Variants in SHISA9 observed in about 807,000 individuals in gnomAD.
SHISA9 encodes the protein shisa family member 9.
Under a neutral mutation model 38.0 loss-of-function variants are expected in SHISA9, and 13 were observed. The ratio of observed to expected loss-of-function variants is 0.34; its 90% CI spans 0.22 to 0.54. The LOEUF (loss-of-function observed/expected upper bound fraction) is 0.54. SHISA9 is among the 20% of genes least tolerant of loss of function. The pLI is 0.91. For missense variants in SHISA9, 538 were observed against 575.8 expected (o/e 0.93, Z 0.67); for synonymous variants, 275 against 242.0 (o/e 1.14, Z -1.27).
chr16:13,355,891 C>T, the SHISA9 span, among the ~76,000 whole-genome samples: 2 of 152,168 alleles, frequency 1.3e-5, no homozygotes, highest in Non-Finnish European at 2.9e-5. Flanking sequence ...GGCCAGAGTT[C>T]CAGGGGCTCC....
the SHISA9 span, among the ~76,000 whole-genome samples, chr16:13,469,083 A>T: frequency 6.6e-6 from 1 of 151,336 alleles, no homozygotes; most frequent in Non-Finnish European, 1.5e-5. Context: ...CTCTACTAAA[A>T]ATATAAAAAT....
chr16:12,937,092 T>A (rs2071544525), intron 2 of SHISA9, among the ~76,000 whole-genome samples: 1 of 152,194 alleles, frequency 6.6e-6, no homozygotes, highest in Non-Finnish European at 1.5e-5. Context: ...CCCACCTATG[T>A]GCATATTTTT....
At chr16:13,357,835 TTGAGCCAGGA>T in the SHISA9 span, among the ~76,000 whole-genome samples, 1 of 151,634 alleles carries the variant, frequency 6.6e-6, no homozygotes, top group African/African-American at 2.4e-5. Flanking sequence ...GGGGTGCTTT[TTGAGCCAGGA>T]TGAGCCAGGA....
intron 2 of SHISA9, among the ~76,000 whole-genome samples, chr16:13,163,510 C>T (rs1350693444): frequency 6.6e-6 from 1 of 151,958 alleles, no homozygotes; most frequent in South Asian, 2.1e-4. Flanking sequence ...TATAATGTGT[C>T]CTTTTTTCTC....
the SHISA9 span, among the ~76,000 whole-genome samples, chr16:13,285,741 C>CT: frequency 6.6e-6 from 1 of 152,042 alleles, no homozygotes; most frequent in Non-Finnish European, 1.5e-5. Context: ...ACTGCTTTAT[C>CT]TTTTAATTAC....
chr16:13,445,969 A>C, the SHISA9 span, among the ~76,000 whole-genome samples: 1 of 151,950 alleles, frequency 6.6e-6, no homozygotes, highest in South Asian at 2.1e-4. Context: ...TTTGAGACAG[A>C]GTCTCACTCT....
At chr16:13,546,433 G>T in the SHISA9 span, among the ~76,000 whole-genome samples, 4 of 152,172 alleles carry the variant, frequency 2.6e-5, no homozygotes, top group East Asian at 3.8e-4. Flanking sequence ...GCTTGTGTTT[G>T]TCTGGGAAAG....
At chr16:13,012,471 C>G (rs1411582209) in intron 2 of SHISA9, among the ~76,000 whole-genome samples, 1 of 152,084 alleles carries the variant, frequency 6.6e-6, no homozygotes, top group African/African-American at 2.4e-5. Context: ...CCCAATGTGG[C>G]CATAGCACAG....
At chr16:13,158,892 TAA>T (rs11373395) in intron 2 of SHISA9, among the ~76,000 whole-genome samples, 7 of 133,822 alleles carry the variant, frequency 5.2e-5, no homozygotes, top group Admixed American at 7.5e-5. Context: ...CCATCTCTAC[TAA>T]AAAAAAAAAA....
At chr16:12,911,601 G>A (rs1403338866) in intron 1 of SHISA9, 1 of 157,690 alleles carries the variant, frequency 6.3e-6, no homozygotes, top group Non-Finnish European at 1.4e-5. Context: ...ATAATGTACA[G>A]TGACGGGTGA....
At chr16:13,143,785 CT>C (rs2050423299) in intron 2 of SHISA9, among the ~76,000 whole-genome samples, 1 of 152,216 alleles carries the variant, frequency 6.6e-6, no homozygotes, top group South Asian at 2.1e-4. Flanking sequence ...CTAGCTTGTC[CT>C]GAGTGACTCA....
At chr16:13,067,813 G>A (rs577006602) in intron 2 of SHISA9, among the ~76,000 whole-genome samples, 5 of 152,170 alleles carry the variant, frequency 3.3e-5, no homozygotes, top group East Asian at 1.9e-4. Flanking sequence ...AGGCCTTTGC[G>A]CCATTTAGAT....
intron 2 of SHISA9, among the ~76,000 whole-genome samples, chr16:13,124,982 G>A (rs1157227404): frequency 6.6e-6 from 1 of 152,126 alleles, no homozygotes. Flanking sequence ...ATGGATTAAA[G>A]ACTTAGATCT....
At chr16:13,185,502 G>A (rs1033403879) in intron 2 of SHISA9, among the ~76,000 whole-genome samples, 2 of 152,128 alleles carry the variant, frequency 1.3e-5, no homozygotes, top group Non-Finnish European at 2.9e-5. Flanking sequence ...CCAAGCCTGG[G>A]CCATTTTTTA....
At chr16:13,015,279 T>C (rs1315200513) in intron 2 of SHISA9, among the ~76,000 whole-genome samples, 1 of 152,254 alleles carries the variant, frequency 6.6e-6, no homozygotes, top group Non-Finnish European at 1.5e-5. Context: ...CCACAAAGCC[T>C]AGAATATTAA....
At chr16:13,472,377 A>T in the SHISA9 span, among the ~76,000 whole-genome samples, 1,519 of 55,964 alleles carry the variant, frequency 0.027, 89 homozygotes, top group African/African-American at 0.095. Flanking sequence ...GCTCTGCTAA[A>T]TTTTTTTTTT....
At chr16:13,232,380 A>G (rs1353925113) in intron 4 of SHISA9, among the ~76,000 whole-genome samples, 1 of 152,260 alleles carries the variant, frequency 6.6e-6, no homozygotes, top group African/African-American at 2.4e-5. Flanking sequence ...ACCATGGCAC[A>G]TGTATACCTA....
At chr16:13,428,784 T>TTTTTTTTG in the SHISA9 span, among the ~76,000 whole-genome samples, 1 of 151,392 alleles carries the variant, frequency 6.6e-6, no homozygotes. Context: ...TTTTTTTTTT[T>TTTTTTTTG]TTGAGTCAGA....
chr16:12,903,494 G>A (rs939368932), intron 1 of SHISA9, among the ~76,000 whole-genome samples: 3 of 143,488 alleles, frequency 2.1e-5, no homozygotes, highest in African/African-American at 5.1e-5. Flanking sequence ...GATTAATGGA[G>A]CTATTTGCCT....
Sources: gnomAD v4.1 joint callset for allele counts (sites outside exome capture counted in the v4.1 genomes callset) on GRCh38, gnomAD v4.1.1 for gene constraint, MANE v1.5 for transcripts, NCBI Gene and HGNC (gene_info 2026-07-23, HGNC 2026-07-21) for gene names.